Variants in NPAS3 observed in about 807,000 individuals in gnomAD.
The protein encoded by NPAS3 is neuronal PAS domain-containing protein 3.
NPAS3 carries 14 observed loss-of-function variants against 73.1 expected under a neutral mutation model. The ratio of observed to expected loss-of-function variants is 0.19; its 90% CI spans 0.13 to 0.30. The LOEUF (loss-of-function observed/expected upper bound fraction) is 0.30, where lower values mean the gene tolerates loss of function less well. Ranked by LOEUF, NPAS3 falls within the 10% of genes least tolerant of loss-of-function variation. NPAS3 has a pLI of 1.00. For synonymous variants in NPAS3, 620 were observed against 541.5 expected (o/e 1.14, Z -2.01); for missense variants, 1,096 against 1,250.0 (o/e 0.88, Z 1.86).
At chr14:33,378,921 G>A (rs916278571) in intron 4 of NPAS3, among the ~76,000 whole-genome samples, 1 of 152,190 alleles carries the variant, frequency 6.6e-6, no homozygotes, top group African/African-American at 2.4e-5. Flanking sequence ...TACATGTTGA[G>A]CACCTCTAAT....
chr14:33,339,430 A>G (rs1459050822), intron 3 of NPAS3, among the ~76,000 whole-genome samples: 1 of 152,132 alleles, frequency 6.6e-6, no homozygotes, highest in Non-Finnish European at 1.5e-5. Context: ...CTCTTTTTTC[A>G]AGAGATGCTA....
chr14:33,540,431 T>C (rs758986921), intron 4 of NPAS3, among the ~76,000 whole-genome samples: 7 of 152,358 alleles, frequency 4.6e-5, no homozygotes, highest in Non-Finnish European at 1.0e-4. Context: ...GTGACTGTTA[T>C]CACTTAATTA....
intron 3 of NPAS3, among the ~76,000 whole-genome samples, chr14:33,228,486 T>A (rs1398798348): frequency 6.6e-6 from 1 of 152,202 alleles, no homozygotes; most frequent in East Asian, 1.9e-4. Context: ...AGCTGACATT[T>A]CCTTTCTCAG....
rs1241337193 is a variant in NPAS3, at chr14:33,133,692, A to C, written c.140+77698A>C. Among the ~76,000 whole-genome samples the C allele has an allele frequency of 2.0e-5, 3 of 152,220 alleles. No homozygotes were observed. In the South Asian group the frequency reaches 6.2e-4, roughly 32 times the overall value. On this transcript the variant is annotated intron_variant, in intron 2 of 11. Transcript: ENST00000356141. ...AAAAGGTGACAAGGGCTGAGCATTT[A>C]ATCAGACTATGCAAATAATAGAAAA...
intron 2 of NPAS3, among the ~76,000 whole-genome samples, chr14:33,192,142 G>C (rs952184880): frequency 1.3e-5 from 2 of 152,090 alleles, no homozygotes; most frequent in Non-Finnish European, 2.9e-5. Flanking sequence ...GTGACTAGGA[G>C]ACCTTAGGCA....
At chr14:33,446,464 C>T (rs184712079) in intron 4 of NPAS3, among the ~76,000 whole-genome samples, 7 of 152,188 alleles carry the variant, frequency 4.6e-5, no homozygotes, top group African/African-American at 7.2e-5. Context: ...CGTGAGCCAC[C>T]GCGCCCGGCC....
At chr14:33,071,349 G>A (rs1329461431) in intron 2 of NPAS3, among the ~76,000 whole-genome samples, 1 of 152,146 alleles carries the variant, frequency 6.6e-6, no homozygotes, top group South Asian at 2.1e-4. Context: ...ACATGATTAC[G>A]CTGCTTATGC....
chr14:33,576,224 C>T (rs546376692), intron 5 of NPAS3, among the ~76,000 whole-genome samples: 1 of 152,180 alleles, frequency 6.6e-6, no homozygotes, highest in South Asian at 2.1e-4. Flanking sequence ...GTTTATAGTA[C>T]CATATGAACT....
chr14:33,691,687 C>T (rs1296306757), intron 6 of NPAS3, among the ~76,000 whole-genome samples: 1 of 152,180 alleles, frequency 6.6e-6, no homozygotes, highest in Non-Finnish European at 1.5e-5. Flanking sequence ...TTATGTCTTT[C>T]ATTTGCCAAC....
chr14:32,947,255 C>T (rs1012673993), intron 1 of NPAS3, among the ~76,000 whole-genome samples: 2 of 152,120 alleles, frequency 1.3e-5, no homozygotes, highest in African/African-American at 4.8e-5. Context: ...TACAGTAACA[C>T]TGCGGAAAAG....
chr14:33,122,106 A>G (rs921594350), intron 2 of NPAS3, among the ~76,000 whole-genome samples: 1 of 152,152 alleles, frequency 6.6e-6, no homozygotes, highest in Admixed American at 6.5e-5. Flanking sequence ...GTATCCAGCT[A>G]TGATTATTTT....
chr14:33,678,449 C>CTA (rs1476333382), intron 6 of NPAS3, among the ~76,000 whole-genome samples: 2 of 152,182 alleles, frequency 1.3e-5, no homozygotes, highest in African/African-American at 4.8e-5. Flanking sequence ...TCAAACAGTG[C>CTA]TAATTCACAA....
intron 9 of NPAS3, among the ~76,000 whole-genome samples, chr14:33,793,463 G>T (rs1301039941): frequency 1.6e-4 from 24 of 152,096 alleles, no homozygotes; most frequent in Admixed American, 1.4e-3. Flanking sequence ...AAAGACGAGG[G>T]GTAAAGCATC....
At chr14:33,124,875 A>G (rs1197876998) in intron 2 of NPAS3, among the ~76,000 whole-genome samples, 1 of 152,096 alleles carries the variant, frequency 6.6e-6, no homozygotes, top group African/African-American at 2.4e-5. Context: ...GCATAATATA[A>G]AGAAGTGAAG....
At chr14:33,346,919 C>T (rs2044765190) in intron 3 of NPAS3, among the ~76,000 whole-genome samples, 1 of 152,146 alleles carries the variant, frequency 6.6e-6, no homozygotes. Context: ...GTTGCTGATG[C>T]CTCCTTACAC....
intron 5 of NPAS3, among the ~76,000 whole-genome samples, chr14:33,620,689 C>T (rs2058053516): frequency 6.6e-6 from 1 of 152,088 alleles, no homozygotes; most frequent in Non-Finnish European, 1.5e-5. Context: ...AGTTATAATG[C>T]ACCAAATATA....
intron 4 of NPAS3, among the ~76,000 whole-genome samples, chr14:33,394,595 A>G (rs1051516962): frequency 6.6e-6 from 1 of 152,100 alleles, no homozygotes; most frequent in African/African-American, 2.4e-5. Context: ...AATTTTTACT[A>G]ATTTTGTTGT....
chr14:33,584,886 G>A (rs757611728), intron 5 of NPAS3, among the ~76,000 whole-genome samples: 9 of 152,108 alleles, frequency 5.9e-5, no homozygotes, highest in Non-Finnish European at 8.8e-5. Context: ...TAAATAAGGC[G>A]CACCCTGAGG....
chr14:33,376,932 T>C (rs2046339078), intron 4 of NPAS3, among the ~76,000 whole-genome samples: 1 of 152,214 alleles, frequency 6.6e-6, no homozygotes, highest in South Asian at 2.1e-4. Context: ...AGTATTTCTG[T>C]TCATGTGTTA....
Sources: gnomAD v4.1 joint callset for allele counts (sites outside exome capture counted in the v4.1 genomes callset) on GRCh38, gnomAD v4.1.1 for gene constraint, MANE v1.5 for transcripts, NCBI Gene and HGNC (gene_info 2026-07-23, HGNC 2026-07-21) for gene names.